The following SLC24A2 variants were observed in gnomAD, a reference collection of about 807,000 sequenced individuals.
The protein encoded by SLC24A2 is sodium/potassium/calcium exchanger 2.
Under a neutral mutation model 62.0 loss-of-function variants are expected in SLC24A2, and 36 were observed. The ratio of observed to expected loss-of-function variants is 0.58; its 90% CI spans 0.44 to 0.77. The LOEUF is 0.77. Among genes scored for constraint, SLC24A2 ranks in the 30% least tolerant of loss-of-function variants. The pLI is 0.00. For missense variants in SLC24A2, 846 were observed against 817.9 expected (o/e 1.03, Z -0.42); for synonymous variants, 358 against 294.0 (o/e 1.22, Z -2.23).
the SLC24A2 span, among the ~76,000 whole-genome samples, chr9:20,097,178 C>G: frequency 6.6e-6 from 1 of 152,164 alleles, no homozygotes; most frequent in African/African-American, 2.4e-5. Context: ...GATTCCCTAC[C>G]TGCCTCTTGC....
the SLC24A2 span, among the ~76,000 whole-genome samples, chr9:20,075,251 C>G: frequency 6.6e-6 from 1 of 152,108 alleles, no homozygotes; most frequent in Non-Finnish European, 1.5e-5. Context: ...TGCCTAACAC[C>G]ATGTTGAGTG....
chr9:20,281,537 T>C, the SLC24A2 span, among the ~76,000 whole-genome samples: 3 of 152,196 alleles, frequency 2.0e-5, no homozygotes, highest in South Asian at 2.1e-4. Flanking sequence ...TAGGTTAACT[T>C]TGCATATCTT....
chr9:20,098,845 A>T, the SLC24A2 span, among the ~76,000 whole-genome samples: 3 of 152,206 alleles, frequency 2.0e-5, no homozygotes, highest in Non-Finnish European at 4.4e-5. Flanking sequence ...TACTGGTACA[A>T]TGAGTAACTC....
At chr9:19,926,509 C>T in the SLC24A2 span, 1 of 151,984 alleles carries the variant, frequency 6.6e-6, no homozygotes, top group Non-Finnish European at 1.5e-5. Flanking sequence ...TCCAGGTGTT[C>T]ACGGCTCATC....
chr9:19,703,493 T>C (rs1204525901), intron 2 of SLC24A2, among the ~76,000 whole-genome samples: 1 of 152,172 alleles, frequency 6.6e-6, no homozygotes, highest in African/African-American at 2.4e-5. Flanking sequence ...TATATTTAAG[T>C]TGTATCAAGA....
intron 5 of SLC24A2, among the ~76,000 whole-genome samples, chr9:19,579,726 G>T (rs1836146666): frequency 6.6e-6 from 1 of 152,198 alleles, no homozygotes; most frequent in African/African-American, 2.4e-5. Context: ...CTAAAGTCAT[G>T]AATCATGACA....
chr9:20,164,195 A>G, the SLC24A2 span, among the ~76,000 whole-genome samples: 2 of 152,144 alleles, frequency 1.3e-5, no homozygotes, highest in African/African-American at 4.8e-5. Context: ...GTGAACAGGC[A>G]ACCTACAAAA....
the SLC24A2 span, among the ~76,000 whole-genome samples, chr9:20,261,075 C>T: frequency 6.6e-6 from 1 of 151,820 alleles, no homozygotes; most frequent in Non-Finnish European, 1.5e-5. Context: ...AGGATGGTCT[C>T]GATCTCTTGA....
At chr9:19,550,404 G>T in intron 7 of SLC24A2, 136 bp from the exon 8 acceptor site, 1 of 801,320 alleles carries the variant, frequency 1.2e-6, no homozygotes, top group Non-Finnish European at 2.0e-6. Flanking sequence ...CTTCATATGT[G>T]TGATTTTGAG....
At chr9:19,728,213 T>C (rs374430455) in intron 2 of SLC24A2, among the ~76,000 whole-genome samples, 1 of 152,090 alleles carries the variant, frequency 6.6e-6, no homozygotes, top group Admixed American at 6.6e-5. Context: ...ACAGTTCCTC[T>C]ATCTCTTGGG....
the SLC24A2 span, among the ~76,000 whole-genome samples, chr9:20,212,840 G>A: frequency 6.6e-6 from 1 of 151,532 alleles, no homozygotes; most frequent in Non-Finnish European, 1.5e-5. Flanking sequence ...AAATACAAAT[G>A]TTTTCAAAAA....
the SLC24A2 span, among the ~76,000 whole-genome samples, chr9:20,250,953 A>G: frequency 6.6e-6 from 1 of 152,104 alleles, no homozygotes; most frequent in African/African-American, 2.4e-5. Context: ...CACCTCGATT[A>G]ATTAGATCAC....
the SLC24A2 span, among the ~76,000 whole-genome samples, chr9:20,160,354 A>G: frequency 4.0e-3 from 604 of 151,600 alleles, 1 homozygote; most frequent in African/African-American, 0.014. Flanking sequence ...GAAGACTTTA[A>G]CATACTACTC....
chr9:19,698,348 G>C, intron 2 of SLC24A2, among the ~76,000 whole-genome samples: 1 of 152,086 alleles, frequency 6.6e-6, no homozygotes, highest in East Asian at 1.9e-4. Flanking sequence ...TTGATGTTGA[G>C]ACTTGGGGTC....
the SLC24A2 span, among the ~76,000 whole-genome samples, chr9:20,094,297 CCT>C: frequency 1.3e-5 from 2 of 152,086 alleles, no homozygotes; most frequent in African/African-American, 4.8e-5. Flanking sequence ...TCTGGAAAAC[CCT>C]TTTTTACTTG....
At chr9:19,693,501 G>A (rs982821568) in intron 2 of SLC24A2, among the ~76,000 whole-genome samples, 4 of 152,082 alleles carry the variant, frequency 2.6e-5, no homozygotes, top group African/African-American at 9.7e-5. Context: ...CCAAGGACAA[G>A]AAATCACTAG....
At chr9:19,939,827 C>T in the SLC24A2 span, among the ~76,000 whole-genome samples, 747 of 152,254 alleles carry the variant, frequency 4.9e-3, 6 homozygotes, top group African/African-American at 0.016. Flanking sequence ...AAATAAACTG[C>T]CAGCCCCTAG....
At chr9:20,175,362 TATTCTCCAA>T in the SLC24A2 span, among the ~76,000 whole-genome samples, 1 of 151,884 alleles carries the variant, frequency 6.6e-6, no homozygotes, top group Non-Finnish European at 1.5e-5. Flanking sequence ...AAAGACCACC[TATTCTCCAA>T]TAACCTGTGG....
the SLC24A2 span, among the ~76,000 whole-genome samples, chr9:19,963,363 C>A: frequency 6.6e-6 from 1 of 151,440 alleles, no homozygotes; most frequent in Non-Finnish European, 1.5e-5. Context: ...CCAAAATTGA[C>A]AAATGGGATC....
Sources: gnomAD v4.1 joint callset for allele counts (sites outside exome capture counted in the v4.1 genomes callset) on GRCh38, gnomAD v4.1.1 for gene constraint, MANE v1.5 for transcripts, NCBI Gene and HGNC (gene_info 2026-07-23, HGNC 2026-07-21) for gene names.